The following CDH18 variants were observed in gnomAD, a reference collection of about 807,000 sequenced individuals.
CDH18 encodes the protein cadherin 18, also known as cadherin-18.
Under a neutral mutation model 67.9 loss-of-function variants are expected in CDH18, and 31 were observed. That is an observed-to-expected ratio of 0.46 (90% CI 0.34 to 0.62). The LOEUF is 0.62. Among genes scored for constraint, CDH18 ranks in the 20% least tolerant of loss-of-function variants. CDH18 has a pLI of 0.01. For missense variants in CDH18, 890 were observed against 975.5 expected (o/e 0.91, Z 1.17); for synonymous variants, 362 against 347.2 (o/e 1.04, Z -0.48).
chr5:19,942,769 T>C (rs534505781), intron 2 of CDH18, among the ~76,000 whole-genome samples: 1 of 152,198 alleles, frequency 6.6e-6, no homozygotes, highest in East Asian at 1.9e-4. Context: ...GAGCAGAAAA[T>C]AGAGGTCAAG....
intron 1 of CDH18, among the ~76,000 whole-genome samples, chr5:20,526,319 C>T (rs1756056735): frequency 6.6e-6 from 1 of 152,054 alleles, no homozygotes. Context: ...GTTCAGGGGA[C>T]CTAATCTTTC....
intron 5 of CDH18, among the ~76,000 whole-genome samples, chr5:19,643,664 T>C (rs1018993931): frequency 6.6e-6 from 1 of 152,068 alleles, no homozygotes; most frequent in Non-Finnish European, 1.5e-5. Context: ...CGGTTACTAG[T>C]GGCTGTTCAC....
chr5:19,856,435 T>C (rs1322308480), intron 2 of CDH18, among the ~76,000 whole-genome samples: 1 of 152,194 alleles, frequency 6.6e-6, no homozygotes, highest in Non-Finnish European at 1.5e-5. Flanking sequence ...CATTCTAATT[T>C]CTAATGATGA....
At chr5:20,484,199 GA>G (rs1472526341) in intron 1 of CDH18, among the ~76,000 whole-genome samples, 1 of 151,914 alleles carries the variant, frequency 6.6e-6, no homozygotes, top group East Asian at 1.9e-4. Context: ...CTGATCATCA[GA>G]AAAATGCAAA....
At chr5:20,488,815 T>C (rs975093236) in intron 1 of CDH18, among the ~76,000 whole-genome samples, 2 of 151,826 alleles carry the variant, frequency 1.3e-5, no homozygotes, top group African/African-American at 2.4e-5. Context: ...ACCTTAGAGA[T>C]AGAAAATATT....
chr5:20,212,506 A>C (rs2126390302), intron 2 of CDH18, among the ~76,000 whole-genome samples: 1 of 152,214 alleles, frequency 6.6e-6, no homozygotes, highest in African/African-American at 2.4e-5. Flanking sequence ...AATGAAGGAA[A>C]AAATGTTAAG....
intron 2 of CDH18, among the ~76,000 whole-genome samples, chr5:20,212,736 T>G (rs1227984974): frequency 6.6e-6 from 1 of 152,066 alleles, no homozygotes; most frequent in African/African-American, 2.4e-5. Flanking sequence ...TTTAAAATAC[T>G]CTTTGCTAAA....
At chr5:20,062,866 T>G (rs564672589) in intron 2 of CDH18, among the ~76,000 whole-genome samples, 1 of 152,150 alleles carries the variant, frequency 6.6e-6, no homozygotes, top group Non-Finnish European at 1.5e-5. Flanking sequence ...CAGAAGGAAA[T>G]GCACAAGCAA....
chr5:19,654,479 C>T (rs1462878780), intron 5 of CDH18, among the ~76,000 whole-genome samples: 3 of 152,122 alleles, frequency 2.0e-5, no homozygotes, highest in Non-Finnish European at 2.9e-5. Flanking sequence ...TCTGTTTAGC[C>T]GCTGTGCATT....
At chr5:20,422,180 A>G (rs914082486) in intron 1 of CDH18, among the ~76,000 whole-genome samples, 1 of 149,440 alleles carries the variant, frequency 6.7e-6, no homozygotes. Context: ...TATTTTAGTT[A>G]TAGTCAAACT....
intron 1 of CDH18, among the ~76,000 whole-genome samples, chr5:20,444,619 T>A (rs1339650532): frequency 6.6e-6 from 1 of 152,212 alleles, no homozygotes; most frequent in Non-Finnish European, 1.5e-5. Flanking sequence ...AACTGTGAGA[T>A]TCAAAGATTA....
At chr5:19,537,264 G>T (rs946973378) in intron 9 of CDH18, among the ~76,000 whole-genome samples, 1 of 152,082 alleles carries the variant, frequency 6.6e-6, no homozygotes, top group Non-Finnish European at 1.5e-5. Flanking sequence ...ATAGCAGTCT[G>T]CCTGCCTTCA....
At chr5:20,024,764 C>G (rs1280287301) in intron 2 of CDH18, among the ~76,000 whole-genome samples, 1 of 152,024 alleles carries the variant, frequency 6.6e-6, no homozygotes, top group East Asian at 1.9e-4. Flanking sequence ...AGGAGATGAA[C>G]CTAAGTTTTT....
intron 2 of CDH18, among the ~76,000 whole-genome samples, chr5:19,905,470 C>A (rs1790430161): frequency 9.1e-6 from 1 of 109,362 alleles, no homozygotes; most frequent in South Asian, 3.0e-4. Context: ...ATTTATAAAA[C>A]ATTTAGATCA....
intron 2 of CDH18, among the ~76,000 whole-genome samples, chr5:20,016,778 C>T (rs1253494659): frequency 2.0e-5 from 3 of 152,006 alleles, no homozygotes; most frequent in African/African-American, 4.8e-5. Flanking sequence ...CATGAGTTGC[C>T]GGCTTCTACT....
intron 5 of CDH18, among the ~76,000 whole-genome samples, chr5:19,710,887 C>G (rs974469602): frequency 3.3e-5 from 5 of 151,870 alleles, no homozygotes; most frequent in Admixed American, 1.3e-4. Context: ...CAGCATAGTA[C>G]TAACATAAAA....
At chr5:19,805,260 T>C (rs1042496392) in intron 3 of CDH18, among the ~76,000 whole-genome samples, 1 of 152,090 alleles carries the variant, frequency 6.6e-6, no homozygotes, top group Non-Finnish European at 1.5e-5. Context: ...AAATATATCA[T>C]TCTTATATTA....
intron 10 of CDH18, among the ~76,000 whole-genome samples, chr5:19,503,329 C>G (rs755934809): frequency 2.0e-5 from 3 of 152,026 alleles, no homozygotes; most frequent in Non-Finnish European, 4.4e-5. Flanking sequence ...ATTCATCACA[C>G]TTTATTTTCT....
chr5:19,784,576 C>T (rs1400117522), intron 3 of CDH18, among the ~76,000 whole-genome samples: 1 of 152,076 alleles, frequency 6.6e-6, no homozygotes, highest in East Asian at 1.9e-4. Context: ...TTCTTGTGTA[C>T]ATGTGATTTT....
Sources: allele counts gnomAD v4.1 joint callset (sites outside exome capture counted in the v4.1 genomes callset), GRCh38; gene constraint gnomAD v4.1.1; transcripts MANE v1.5; gene names NCBI Gene and HGNC (gene_info 2026-07-23, HGNC 2026-07-21).